Variants in CRTAC1 observed in about 807,000 individuals in gnomAD.
The protein encoded by CRTAC1 is cartilage acidic protein 1, also known as acidic secreted protein in cartilage.
A neutral mutation model predicts 67.8 loss-of-function variants in CRTAC1; 37 were observed. The observed-to-expected ratio is 0.55, with a 90% CI of 0.42 to 0.72. The LOEUF (loss-of-function observed/expected upper bound fraction) is 0.72. Ranked by LOEUF, CRTAC1 falls within the 30% of genes least tolerant of loss-of-function variation. The pLI is 0.00. For synonymous variants in CRTAC1, 348 were observed against 371.0 expected (o/e 0.94, Z 0.71); for missense variants, 780 against 931.6 (o/e 0.84, Z 2.12).
In CRTAC1 at chr10:97,917,573, C is replaced by A. The variant is rs748893017; in HGVS notation, c.642G>T (p.Glu214Asp). 1 of 1,603,944 alleles carries A rather than the reference C, an allele frequency of 6.2e-7. No individual in the cohort carries two copies. The highest frequency in any genetic ancestry group is 8.5e-7 in the Non-Finnish European group (1 of 1,174,518). ...GAATGCCCCGGGAGAGGTCACTGGC[C>A]TCAGGGTCCATTTCAATGAGGGCAT... ...GPDALIEMDPEASDLSRGILA... is the reference protein window; with the variant it reads ...GPDALIEMDPDASDLSRGILA... Residue 214 changes from glutamate (E) to aspartate (D), a missense_variant, in exon 5 of 15, where the codon GAG (glutamate) becomes GAT (aspartate). Transcript: ENST00000370597.
rs2050441456 is a variant in CRTAC1 at position 97,895,321 on chromosome 10, A to G, written c.1410T>C (p.Ser470=). Residue 470 remains serine (S), a synonymous_variant, in exon 11 of 15, where the codon AGT becomes AGC. Coordinates refer to ENST00000370597, the MANE Select transcript of CRTAC1 (RefSeq NM_018058.7). This position sits in a 1 kb window ranked among gnomAD's most constrained non-coding sequence, Gnocchi z 4.2. The stretch of plus-strand genomic sequence containing the variant: ...CGTCGATGATCCTCAGGTGGGCCCC[A>G]CTCTTCTTGGTGTAGAGCACGACCT... ...GAKVVLYTKK[S]GAHLRIIDGG... is the part of the protein sequence containing the mutation. 6.2e-7 allele frequency: 1 copy of G among 1,611,760 alleles called. No homozygotes were observed. The highest frequency in any genetic ancestry group is 8.5e-7 in the Non-Finnish European group (1 of 1,179,310).
Position 97,952,538 on chromosome 10 carries a change from C to CAAA in CRTAC1, c.225-16175_225-16173dup, listed in dbSNP as rs397844653. Among the ~76,000 whole-genome samples, 524 of 64,088 alleles carry CAAA rather than the reference C, an allele frequency of 8.2e-3. 11 individuals carry two copies. The highest frequency in any genetic ancestry group is 0.028 in the African/African-American group (418 of 14,798). 42.0% of individuals were successfully genotyped at this position (64,088 alleles called of 152,430 possible). A position where few individuals can be genotyped will look rare whatever the true frequency, so the allele number is the denominator to read the frequency against. ...GGGAGAAAAGAGTGAAATTCCATCTCAAAAAAAAAAAAAAAAAAAAAAAAG... is the reference window on the plus strand; with the variant it reads ...GGGAGAAAAGAGTGAAATTCCATCTCAAAAAAAAAAAAAAAAAAAAAAAAAAAG... On this transcript the variant is annotated intron_variant, in intron 2 of 14. Coordinates refer to ENST00000370597, the MANE Select transcript of CRTAC1 (RefSeq NM_018058.7).
At position 98,014,142 on chromosome 10, in the gene CRTAC1, G is replaced by C. The variant is rs564939950; in HGVS notation, c.25-2805C>G. On this transcript the variant is annotated intron_variant, in intron 1 of 14. Coordinates refer to ENST00000370597, the MANE Select transcript of CRTAC1 (RefSeq NM_018058.7). Reference sequence around the variant, plus strand: ...TATAATATTTACCCTCTTTTTGGGGGGTTCAGATAAAGGAAATCATTTAAA... The same window carrying C: ...TATAATATTTACCCTCTTTTTGGGGCGTTCAGATAAAGGAAATCATTTAAA... Among the ~76,000 whole-genome samples the C allele has an allele frequency of 2.0e-5, 3 of 152,206 alleles. No individual in the cohort carries two copies. The South Asian group carries it at 6.2e-4, about 32-fold the overall frequency.
At chr10:97,882,482 T>C (rs929364440) in intron 13 of CRTAC1, among the ~76,000 whole-genome samples, 4 of 152,160 alleles carry the variant, frequency 2.6e-5, no homozygotes, top group African/African-American at 9.7e-5. Flanking sequence ...ATGTGGCTAT[T>C]CCCCCTGTGC....
intron 3 of CRTAC1, among the ~76,000 whole-genome samples, chr10:97,929,447 G>A (rs1690583654): frequency 6.6e-6 from 1 of 152,156 alleles, no homozygotes; most frequent in Admixed American, 6.5e-5. Flanking sequence ...TCCTCCCCAG[G>A]AGGCTTTCCC....
chr10:97,881,661 ACT>A (rs10551401), intron 13 of CRTAC1, among the ~76,000 whole-genome samples: 44,677 of 151,790 alleles, frequency 0.29, 6,625 homozygotes, highest in Admixed American at 0.31. Context: ...GGCAGAGAAG[ACT>A]CTGGAATTTC....
intron 2 of CRTAC1, among the ~76,000 whole-genome samples, chr10:97,973,473 T>A (rs1248396904): frequency 4.6e-5 from 7 of 151,966 alleles, no homozygotes; most frequent in Non-Finnish European, 1.5e-5. Flanking sequence ...TGGGGACTTC[T>A]TGTTTACTTC....
At chr10:97,910,667 T>A (rs1307089647) in intron 5 of CRTAC1, among the ~76,000 whole-genome samples, 1 of 152,018 alleles carries the variant, frequency 6.6e-6, no homozygotes, top group Non-Finnish European at 1.5e-5. Context: ...GAGACAGGGG[T>A]TCTCTTGGTC....
intron 2 of CRTAC1, among the ~76,000 whole-genome samples, chr10:97,987,614 G>A (rs2052004210): frequency 6.6e-6 from 1 of 152,240 alleles, no homozygotes; most frequent in Non-Finnish European, 1.5e-5. Context: ...ATGTGCACGA[G>A]TGTGCATCAT....
chr10:97,936,317 G>T lies in CRTAC1; in HGVS notation c.274C>A (p.Leu92Met), dbSNP rs1189893478. ...VLKYDRAQKRLVNIAVDERSS... is the reference protein window; with the variant it reads ...VLKYDRAQKRMVNIAVDERSS... ...CGCTCATCGACCGCGATGTTCACCA[G>T]CCGCTTCTGGGCCCGGTCATACTTC... The change falls in exon 3 of 15, where the codon CTG becomes ATG. Residue 92 changes from leucine (L) to methionine (M), a missense_variant. Physicochemically the swap from Leu to Met is conservative, Grantham distance 15. Coordinates refer to ENST00000370597, the MANE Select transcript of CRTAC1 (RefSeq NM_018058.7). 6.2e-7 allele frequency: 1 copy of T among 1,613,384 alleles called. No homozygotes were observed. The highest frequency in any genetic ancestry group is 8.5e-7 in the Non-Finnish European group (1 of 1,179,518).
Position 98,022,226 on chromosome 10 carries a change from A to G in CRTAC1, c.24+8223T>C, listed in dbSNP as rs570175106. On this transcript the variant is annotated intron_variant, in intron 1 of 14. Coordinates refer to ENST00000370597, the MANE Select transcript of CRTAC1 (RefSeq NM_018058.7). ...CAAAATTAGCTGGGTGTGGTGGTGC[A>G]TGCCTGTAATCCCAGCTACTTGGGA... 2.0e-5 allele frequency among the ~76,000 whole-genome samples: 3 copies of G among 152,182 alleles called. No individual in the cohort carries two copies. The South Asian group carries it at 6.2e-4, about 32-fold the overall frequency.
At chr10:97,870,427 A>G (rs575777330) in intron 14 of CRTAC1, 1 of 152,272 alleles carries the variant, frequency 6.6e-6, no homozygotes, top group South Asian at 2.1e-4. Context: ...GGGAGTCAGG[A>G]TCAAGATTAC....
At chr10:97,983,243 T>A (rs145997431) in intron 2 of CRTAC1, among the ~76,000 whole-genome samples, 3 of 152,074 alleles carry the variant, frequency 2.0e-5, no homozygotes, top group South Asian at 2.1e-4. Flanking sequence ...TGGAATGCCC[T>A]TAGAAGTCAT....
In CRTAC1 at chr10:97,904,873, C is replaced by G. The variant is rs992983508; in HGVS notation, c.851-59G>C. ...ATCCCCTGCACACTCCACAAACACT[C>G]ACCCTGCTCTAGCTCTGTGACAAGC... On this transcript the variant is annotated intron_variant, in intron 6 of 14. Transcript: ENST00000370597. 145 of 1,503,356 alleles carry G rather than the reference C, an allele frequency of 9.6e-5. 2 individuals are homozygous for G. The South Asian group carries it at 1.1e-3, about 11-fold the overall frequency. The allele number at this position is 1,503,356 out of a possible 1,614,324, so 93.1% of individuals were successfully genotyped here.
At chr10:97,958,064 A>G (rs2051469242) in intron 2 of CRTAC1, among the ~76,000 whole-genome samples, 1 of 151,904 alleles carries the variant, frequency 6.6e-6, no homozygotes, top group South Asian at 2.1e-4. Context: ...TGCTGGCTCT[A>G]GGTTTCTTCT....
intron 2 of CRTAC1, among the ~76,000 whole-genome samples, chr10:97,955,203 G>C (rs1342792522): frequency 4.6e-5 from 7 of 152,202 alleles, no homozygotes; most frequent in African/African-American, 1.4e-4. Flanking sequence ...AGATTCACCA[G>C]AGGTTTTGGG....
chr10:97,890,071 G>T (rs888118668), intron 11 of CRTAC1, among the ~76,000 whole-genome samples: 1 of 147,806 alleles, frequency 6.8e-6, no homozygotes, highest in South Asian at 2.2e-4. Flanking sequence ...CACAGACTTG[G>T]TATGCTGTCC....
At chr10:97,874,628 G>A (rs974021600) in intron 14 of CRTAC1, among the ~76,000 whole-genome samples, 30 of 152,184 alleles carry the variant, frequency 2.0e-4, no homozygotes, top group Admixed American at 1.3e-4. Flanking sequence ...CATCCTGAAC[G>A]TGGCTACTTA....
intron 1 of CRTAC1, among the ~76,000 whole-genome samples, chr10:98,015,540 T>A (rs1253934631): frequency 1.3e-5 from 2 of 152,230 alleles, no homozygotes; most frequent in Non-Finnish European, 2.9e-5. Context: ...AAAAAAATAC[T>A]AATGCCTGGG....
Sources: allele counts gnomAD v4.1 joint callset (sites outside exome capture counted in the v4.1 genomes callset), GRCh38; gene constraint gnomAD v4.1.1; non-coding constraint Gnocchi (gnomAD v3.1); transcripts MANE v1.5; gene names NCBI Gene and HGNC (gene_info 2026-07-23, HGNC 2026-07-21).